The following CNTN5 variants were observed in gnomAD, a reference collection of about 807,000 sequenced individuals.
CNTN5 encodes contactin-5.
Under a neutral mutation model 129.1 loss-of-function variants are expected in CNTN5, and 77 were observed. The ratio of observed to expected loss-of-function variants is 0.60; its 90% CI spans 0.50 to 0.72. The LOEUF (loss-of-function observed/expected upper bound fraction) is 0.72, where lower values mean the gene tolerates loss of function less well. CNTN5 is among the 30% of genes least tolerant of loss of function. The pLI is 0.00. For missense variants in CNTN5, 1,478 were observed against 1,328.8 expected, an observed-to-expected ratio of 1.11 and a Z score of -1.75; for synonymous variants, 509 against 465.6, an observed-to-expected ratio of 1.09 and a Z score of -1.20.
chr11:99,773,636 A>C (rs1439605646), intron 3 of CNTN5, among the ~76,000 whole-genome samples: 1 of 152,124 alleles, frequency 6.6e-6, no homozygotes, highest in Non-Finnish European at 1.5e-5. Flanking sequence ...GTCTTCATAC[A>C]ATGTAAAAAT....
At chr11:99,675,402 G>A (rs574261894) in intron 3 of CNTN5, among the ~76,000 whole-genome samples, 49 of 152,248 alleles carry the variant, frequency 3.2e-4, no homozygotes, top group African/African-American at 1.2e-3. Flanking sequence ...AAAAATGCAG[G>A]CTGGGTGCGG....
chr11:99,477,916 G>C (rs1565215653), intron 2 of CNTN5, among the ~76,000 whole-genome samples: 1 of 151,580 alleles, frequency 6.6e-6, no homozygotes, highest in African/African-American at 2.4e-5. Context: ...GTGAAAAACT[G>C]AAAAAATCCT....
At chr11:100,079,366 G>A (rs1944271049) in intron 13 of CNTN5, among the ~76,000 whole-genome samples, 1 of 152,112 alleles carries the variant, frequency 6.6e-6, no homozygotes, top group Non-Finnish European at 1.5e-5. Context: ...GACTAAAGGA[G>A]TCTTTTACAT....
At chr11:99,613,522 A>C (rs1233391319) in intron 3 of CNTN5, among the ~76,000 whole-genome samples, 1 of 152,228 alleles carries the variant, frequency 6.6e-6, no homozygotes, top group African/African-American at 2.4e-5. Flanking sequence ...TACAAAGGAC[A>C]TAGCAAAAAG....
chr11:99,652,485 G>T (rs922490408), intron 3 of CNTN5, among the ~76,000 whole-genome samples: 1 of 152,024 alleles, frequency 6.6e-6, no homozygotes, highest in Admixed American at 6.6e-5. Context: ...TATAAGAGCT[G>T]TGTCCACCGG....
At chr11:100,070,118 A>G (rs1019878670) in intron 10 of CNTN5, among the ~76,000 whole-genome samples, 2 of 151,084 alleles carry the variant, frequency 1.3e-5, no homozygotes, top group Admixed American at 6.6e-5. Flanking sequence ...CTGACTTCCT[A>G]TTAAACTGGT....
chr11:99,885,086 C>T (rs1228336832), intron 6 of CNTN5, among the ~76,000 whole-genome samples: 1 of 152,004 alleles, frequency 6.6e-6, no homozygotes, highest in Admixed American at 6.6e-5. Context: ...AGTTTGAGAC[C>T]AGCCTGTGCA....
At chr11:100,296,523 C>T (rs952341377) in intron 18 of CNTN5, among the ~76,000 whole-genome samples, 2 of 151,504 alleles carry the variant, frequency 1.3e-5, no homozygotes, top group African/African-American at 4.8e-5. Context: ...ATATTGGTAG[C>T]AGCTGCATGT....
rs79989651 is a variant in CNTN5 at position 99,051,702 on chromosome 11, T to G, written c.-210+30432T>G. Among the ~76,000 whole-genome samples the G allele has an allele frequency of 1.3e-4, 20 of 151,998 alleles. No homozygotes were observed. In the East Asian group the frequency reaches 3.9e-3, roughly 29 times the overall value. The stretch of plus-strand genomic sequence containing the variant: ...ATCTAATGAAGGAGAGAAGGAAAAC[T>G]TTACACAAATGATTAGGTATCAGTC... On this transcript the variant is annotated intron_variant, in intron 1 of 24. Transcript: ENST00000524871.
intron 17 of CNTN5, among the ~76,000 whole-genome samples, chr11:100,265,681 A>G (rs757296509): frequency 6.6e-6 from 1 of 152,166 alleles, no homozygotes; most frequent in African/African-American, 2.4e-5. Context: ...AAATGAAGTG[A>G]GAGGTTCCAC....
intron 6 of CNTN5, among the ~76,000 whole-genome samples, chr11:99,872,416 G>A (rs1948526459): frequency 6.6e-6 from 1 of 152,094 alleles, no homozygotes; most frequent in Admixed American, 6.6e-5. Flanking sequence ...ACAAAGCCTT[G>A]AGATGAAAAG....
At chr11:100,131,782 T>C (rs1946386684) in intron 13 of CNTN5, among the ~76,000 whole-genome samples, 1 of 152,084 alleles carries the variant, frequency 6.6e-6, no homozygotes, top group African/African-American at 2.4e-5. Flanking sequence ...ACCTCGAATT[T>C]ACATCCCTGC....
intron 4 of CNTN5, among the ~76,000 whole-genome samples, chr11:99,830,353 A>T (rs142210230): frequency 1.3e-5 from 2 of 152,290 alleles, no homozygotes; most frequent in East Asian, 1.9e-4. Context: ...CAATTGGATG[A>T]TTCCTGCATT....
chr11:99,362,182 G>T (rs961200297), intron 2 of CNTN5, among the ~76,000 whole-genome samples: 2 of 151,794 alleles, frequency 1.3e-5, no homozygotes, highest in African/African-American at 4.8e-5. Context: ...CAAGCTTATG[G>T]GTATAAAGTG....
chr11:99,477,298 T>G (rs1379967757), intron 2 of CNTN5, among the ~76,000 whole-genome samples: 1 of 151,996 alleles, frequency 6.6e-6, no homozygotes, highest in Non-Finnish European at 1.5e-5. Context: ...ATTTTCTGTA[T>G]AGTTATTTTC....
chr11:99,300,331 G>A (rs1864579815), intron 1 of CNTN5, among the ~76,000 whole-genome samples: 1 of 152,094 alleles, frequency 6.6e-6, no homozygotes, highest in Admixed American at 6.6e-5. Context: ...TATCATGAGA[G>A]ATGCTGTATT....
chr11:99,097,177 T>C (rs1866507293), intron 1 of CNTN5, among the ~76,000 whole-genome samples: 1 of 151,994 alleles, frequency 6.6e-6, no homozygotes, highest in South Asian at 2.1e-4. Flanking sequence ...TATCCAAATG[T>C]CACCTTGTGT....
intron 9 of CNTN5, among the ~76,000 whole-genome samples, chr11:100,044,072 G>A (rs1201903478): frequency 2.7e-5 from 3 of 109,872 alleles, no homozygotes; most frequent in African/African-American, 1.2e-4. Flanking sequence ...CCCAGTCTCT[G>A]GTGTCTATTA....
intron 6 of CNTN5, among the ~76,000 whole-genome samples, chr11:99,852,855 A>T (rs1429748505): frequency 6.6e-6 from 1 of 152,192 alleles, no homozygotes; most frequent in African/African-American, 2.4e-5. Flanking sequence ...AATTGTCCTT[A>T]ATCCTTAGTA....
Sources: gnomAD v4.1 joint callset for allele counts (sites outside exome capture counted in the v4.1 genomes callset) on GRCh38, gnomAD v4.1.1 for gene constraint, MANE v1.5 for transcripts, NCBI Gene and HGNC (gene_info 2026-07-23, HGNC 2026-07-21) for gene names.